Variants in CLIP4 observed in about 807,000 individuals in gnomAD.
The protein encoded by CLIP4 is CAP-Gly domain-containing linker protein 4.
Under a neutral mutation model 73.1 loss-of-function variants are expected in CLIP4, and 47 were observed. The ratio of observed to expected loss-of-function variants is 0.64; its 90% CI spans 0.51 to 0.82. The LOEUF (loss-of-function observed/expected upper bound fraction) is 0.82. Ranked by LOEUF, CLIP4 falls within the 40% of genes least tolerant of loss-of-function variation. The pLI is 0.00. For missense variants in CLIP4, 874 were observed against 852.9 expected (o/e 1.02, Z -0.31); for synonymous variants, 306 against 295.4 (o/e 1.04, Z -0.37).
rs749249736 is a variant in CLIP4, at chr2:29,131,313, C to T, written c.189C>T (p.Pro63=). ...DASCQEILFD[P]KTSVSELFAI... is the part of the protein sequence containing the mutation. ...CATGCCAGGAAATTCTTTTTGATCCCAAAACTTCAGTTTCAGAATTATTTG... is the reference window on the plus strand; with the variant it reads ...CATGCCAGGAAATTCTTTTTGATCCTAAAACTTCAGTTTCAGAATTATTTG... Residue 63 remains proline, a synonymous_variant, in exon 3 of 16, where the codon CCC becomes CCT. Coordinates refer to ENST00000320081, the MANE Select transcript of CLIP4 (RefSeq NM_024692.6). 2 of 1,609,936 alleles carry T rather than the reference C, an allele frequency of 1.2e-6. No individual in the cohort carries two copies. Among genetic ancestry groups the T allele is most frequent in the Admixed American group, 1.7e-5 (1 of 59,560 alleles).
rs1443208395 is a variant in CLIP4, at chr2:29,115,480, T to G, written c.-201T>G. Reference sequence around the variant, plus strand: ...GAGGCCTGCGCGCCGCCCGGCCGCCTGCACTGCGCGCGCGCCCACCCCGCG... The same window carrying G: ...GAGGCCTGCGCGCCGCCCGGCCGCCGGCACTGCGCGCGCGCCCACCCCGCG... On this transcript the variant is annotated 5_prime_UTR_variant, in exon 1 of 16. Transcript: ENST00000320081. The surrounding 1 kb of genome is among the most constrained non-coding windows in gnomAD (Gnocchi z 5.1). The G allele has an allele frequency of 6.7e-6, 1 of 148,250 alleles. No individual in the cohort carries two copies. Among genetic ancestry groups the G allele is most frequent in the African/African-American group, 2.4e-5 (1 of 40,944 alleles). The allele number at this position is 148,250 out of a possible 1,614,324, so 9.2% of individuals were successfully genotyped here. A position where few individuals can be genotyped will look rare whatever the true frequency, so the allele number is the denominator to read the frequency against.
At chr2:29,140,220 C>T (rs1412444827) in intron 6 of CLIP4, among the ~76,000 whole-genome samples, 1 of 151,930 alleles carries the variant, frequency 6.6e-6, no homozygotes, top group African/African-American at 2.4e-5. Context: ...CTAAAGCTAT[C>T]CCTCCCCTCT....
At chr2:29,162,727 A>G (rs1301381374) in intron 12 of CLIP4, among the ~76,000 whole-genome samples, 1 of 152,186 alleles carries the variant, frequency 6.6e-6, no homozygotes. Flanking sequence ...GTGATGACCT[A>G]TGTTCAGAGC....
At position 29,181,852 on chromosome 2, in the gene CLIP4, C is replaced by G; in HGVS notation, c.2077C>G (p.Arg693Gly). Residue 693 changes from arginine (R) to glycine (G), a missense_variant, in exon 16 of 16, where the codon CGG becomes GGG. Transcript: ENST00000320081. ...VLVRPSRVTYRGINGSKLVDE... is the reference protein window; with the variant it reads ...VLVRPSRVTYGGINGSKLVDE... The stretch of plus-strand genomic sequence containing the variant: ...AGTTCGACCGAGCAGAGTGACCTAT[C>G]GGGGAATTAATGGGTCAAAACTTGT... The G allele has an allele frequency of 6.2e-7, 1 of 1,613,320 alleles. No individual in the cohort carries two copies. Among genetic ancestry groups the G allele is most frequent in the Non-Finnish European group, 8.5e-7 (1 of 1,179,466 alleles).
intron 12 of CLIP4, 66 bp downstream of exon 12, chr2:29,160,533 G>A (rs1355484749): frequency 1.3e-6 from 2 of 1,545,386 alleles, no homozygotes; most frequent in Non-Finnish European, 1.8e-6. Context: ...AATTTTACAT[G>A]TAAATAGAAT....
chr2:29,100,149 C>G (rs1033446027), intron 1 of CLIP4, among the ~76,000 whole-genome samples: 2 of 151,944 alleles, frequency 1.3e-5, no homozygotes, highest in Admixed American at 1.3e-4. Flanking sequence ...AGGCTGGTCT[C>G]AAACTCCTGA....
chr2:29,129,969 T>C, intron 2 of CLIP4: 1 of 471,016 alleles, frequency 2.1e-6, no homozygotes, highest in East Asian at 6.9e-5. Context: ...AGGATTCTTT[T>C]TTCAGCAGCT....
rs1009387775 is a variant in CLIP4, at chr2:29,120,674, A to G, written c.-15-700A>G. Reference sequence around the variant, plus strand: ...TTTACTAGCAGTTTCTCTGCTTTCTACATCATTTCTGAGATGTAGGCTAGG... The same window carrying G: ...TTTACTAGCAGTTTCTCTGCTTTCTGCATCATTTCTGAGATGTAGGCTAGG... On this transcript the variant is annotated intron_variant, in intron 1 of 15. Coordinates refer to ENST00000320081, the MANE Select transcript of CLIP4 (RefSeq NM_024692.6). 7.2e-5 allele frequency among the ~76,000 whole-genome samples: 11 copies of G among 152,266 alleles called. 1 individual carries two copies. Among genetic ancestry groups the G allele is most frequent in the African/African-American group, 1.7e-4 (7 of 41,572 alleles).
chr2:29,122,400 G>A (rs1199299844), intron 2 of CLIP4, among the ~76,000 whole-genome samples: 3 of 152,068 alleles, frequency 2.0e-5, no homozygotes, highest in African/African-American at 7.2e-5. Flanking sequence ...TTATGCAGGG[G>A]AAACCTTGAA....
Position 29,181,924 on chromosome 2 carries a change from A to G in CLIP4, c.*31A>G, listed in dbSNP as rs764966379. On this transcript the variant is annotated 3_prime_UTR_variant, in exon 16 of 16. Coordinates refer to ENST00000320081, the MANE Select transcript of CLIP4 (RefSeq NM_024692.6). Reference sequence around the variant, plus strand: ...TAAAATATTAAATAAGCTCAAATATATATATTTGGTGTAAATAAAGAGTCC... The same window carrying G: ...TAAAATATTAAATAAGCTCAAATATGTATATTTGGTGTAAATAAAGAGTCC... 1.2e-5 allele frequency: 18 copies of G among 1,521,914 alleles called. No individual in the cohort carries two copies. Among genetic ancestry groups the G allele is most frequent in the Non-Finnish European group, 1.6e-5 (18 of 1,124,976 alleles). 94.3% of individuals were successfully genotyped at this position (1,521,914 alleles called of 1,614,324 possible). A position where few individuals can be genotyped will look rare whatever the true frequency, so the allele number is the denominator to read the frequency against.
chr2:29,165,548 C>T (rs915385467), intron 13 of CLIP4, among the ~76,000 whole-genome samples: 2 of 152,180 alleles, frequency 1.3e-5, no homozygotes, highest in Non-Finnish European at 2.9e-5. Context: ...CAGGGACCTT[C>T]GTCAGGACAT....
intron 1 of CLIP4, among the ~76,000 whole-genome samples, chr2:29,106,957 T>C (rs1468634551): frequency 6.6e-6 from 1 of 152,200 alleles, no homozygotes; most frequent in Non-Finnish European, 1.5e-5. Context: ...GTTTCAAATA[T>C]GGTTAGGTGG....
At chr2:29,164,375 C>T (rs1434103565) in intron 13 of CLIP4, among the ~76,000 whole-genome samples, 1 of 152,116 alleles carries the variant, frequency 6.6e-6, no homozygotes, top group Admixed American at 6.6e-5. Flanking sequence ...TGGCTTTTTC[C>T]TCTGATTTCT....
intron 1 of CLIP4, among the ~76,000 whole-genome samples, chr2:29,103,925 C>T (rs1436014362): frequency 6.6e-6 from 1 of 151,772 alleles, no homozygotes; most frequent in Non-Finnish European, 1.5e-5. Context: ...CTATGTTGGC[C>T]AGGCTGGTCT....
rs1000558312 is a variant in CLIP4 at position 29,121,475 on chromosome 2, C to G, written c.87C>G (p.Thr29=). Residue 29 remains threonine (T), a synonymous_variant, in exon 2 of 16, where the codon ACC becomes ACG. Coordinates refer to ENST00000320081, the MANE Select transcript of CLIP4 (RefSeq NM_024692.6). ...CATTTATATTTTCTGCTTCTGATACCCCAGTTATCTTTTCCATTTCTGCAG... is the reference window on the plus strand; with the variant it reads ...CATTTATATTTTCTGCTTCTGATACGCCAGTTATCTTTTCCATTTCTGCAG... The part of the protein sequence containing the change: ...RYPFIFSASD[T]PVIFSISAAP... The G allele has an allele frequency of 3.7e-6, 6 of 1,613,702 alleles. No homozygotes were observed. The highest frequency in any genetic ancestry group is 3.4e-6 in the Non-Finnish European group (4 of 1,179,832).
intron 6 of CLIP4, among the ~76,000 whole-genome samples, chr2:29,142,996 C>T (rs963631345): frequency 2.0e-5 from 3 of 152,098 alleles, no homozygotes; most frequent in East Asian, 1.9e-4. Context: ...GAAAACAGAG[C>T]TTTTTTCTTG....
chr2:29,182,443 T>C lies in CLIP4; in HGVS notation c.*550T>C, dbSNP rs1668689508. 1 of 152,512 alleles carries C rather than the reference T, an allele frequency of 6.6e-6. No homozygotes were observed. The highest frequency in any genetic ancestry group is 2.4e-5 in the African/African-American group (1 of 41,434). 9.4% of individuals were successfully genotyped at this position (152,512 alleles called of 1,614,324 possible). ...CAGAAATGCCTCATCTAAAGATACA[T>C]GATAATTTTGGAGTTGGAAGGGGCC... On this transcript the variant is annotated 3_prime_UTR_variant, in exon 16 of 16. Transcript: ENST00000320081.
chr2:29,181,930 T>G lies in CLIP4; in HGVS notation c.*37T>G. On this transcript the variant is annotated 3_prime_UTR_variant, in exon 16 of 16. Coordinates refer to ENST00000320081, the MANE Select transcript of CLIP4 (RefSeq NM_024692.6). ...ATTAAATAAGCTCAAATATATATAT[T>G]TGGTGTAAATAAAGAGTCCATGGTA... is the stretch of plus-strand genomic sequence containing the variant. 6.7e-7 allele frequency: 1 copy of G among 1,502,810 alleles called. No homozygotes were observed. Among genetic ancestry groups the G allele is most frequent in the Non-Finnish European group, 9.0e-7 (1 of 1,112,724 alleles). The allele number at this position is 1,502,810 out of a possible 1,614,324, so 93.1% of individuals were successfully genotyped here. A position where few individuals can be genotyped will look rare whatever the true frequency, so the allele number is the denominator to read the frequency against.
chr2:29,135,497 G>T, intron 5 of CLIP4, 51 bp from the exon 6 acceptor site: 1 of 1,348,884 alleles, frequency 7.4e-7, no homozygotes, highest in South Asian at 1.3e-5. Context: ...TTTAAATTAT[G>T]ATAGCTAAGT....
Sources: allele counts gnomAD v4.1 joint callset (sites outside exome capture counted in the v4.1 genomes callset), GRCh38; gene constraint gnomAD v4.1.1; non-coding constraint Gnocchi (gnomAD v3.1); transcripts MANE v1.5; gene names NCBI Gene and HGNC (gene_info 2026-07-23, HGNC 2026-07-21).